Variants in PTPRG observed in about 807,000 individuals in gnomAD.
The protein encoded by PTPRG is receptor-type tyrosine-protein phosphatase gamma.
PTPRG carries 102 observed loss-of-function variants against 165.3 expected under a neutral mutation model. The observed-to-expected ratio is 0.62, with a 90% confidence interval of 0.53 to 0.73. The LOEUF (loss-of-function observed/expected upper bound fraction) is 0.73. Among genes scored for constraint, PTPRG ranks in the 30% least tolerant of loss-of-function variants. The probability of loss-of-function intolerance (pLI) is 0.00; values close to 1 mark genes in which losing one functional copy is unlikely to be tolerated. For missense variants in PTPRG, 1,866 were observed against 1,861.4 expected (o/e 1.00, Z -0.05); for synonymous variants, 675 against 669.5 (o/e 1.01, Z -0.13).
At chr3:61,812,116 A>G (rs764264234) in intron 2 of PTPRG, among the ~76,000 whole-genome samples, 1 of 152,198 alleles carries the variant, frequency 6.6e-6, no homozygotes, top group Non-Finnish European at 1.5e-5. Context: ...GTTTTGCAGG[A>G]TGAAGAGATG....
chr3:61,754,123 T>C (rs951686154), intron 2 of PTPRG, among the ~76,000 whole-genome samples: 1 of 152,166 alleles, frequency 6.6e-6, no homozygotes, highest in Non-Finnish European at 1.5e-5. Flanking sequence ...AGAATTGAAA[T>C]AGGCAGTGAC....
At chr3:61,869,953 T>C (rs1424859851) in intron 2 of PTPRG, among the ~76,000 whole-genome samples, 125 of 152,142 alleles carry the variant, frequency 8.2e-4, no homozygotes, top group Non-Finnish European at 1.6e-4. Context: ...GTGATTCGAC[T>C]CTCATCCTAT....
intron 5 of PTPRG, among the ~76,000 whole-genome samples, chr3:62,109,514 T>C (rs1702592153): frequency 6.6e-6 from 1 of 152,148 alleles, no homozygotes; most frequent in African/African-American, 2.4e-5. Flanking sequence ...CCCAGGATTG[T>C]CTTGGTTATG....
At position 62,269,258 on chromosome 3, in the gene PTPRG, C is replaced by CA. The variant is rs1225625760; in HGVS notation, c.3009+91dup. 4.5e-6 allele frequency: 6 copies of CA among 1,333,826 alleles called. No individual in the cohort carries two copies. In the African/African-American group the frequency reaches 7.3e-5, roughly 16 times the overall value. 82.6% of individuals were successfully genotyped at this position (1,333,826 alleles called of 1,614,324 possible). A position where few individuals can be genotyped will look rare whatever the true frequency, so the allele number is the denominator to read the frequency against. Reference sequence around the variant, plus strand: ...TACAACCAAGGCCAAATCTCATAACCAACTTGGTTTTTAAAAAGTATTTTT... The same window carrying CA: ...TACAACCAAGGCCAAATCTCATAACCAAACTTGGTTTTTAAAAAGTATTTTT... On this transcript the variant is annotated intron_variant, in intron 20 of 29. Coordinates refer to ENST00000474889, the MANE Select transcript of PTPRG (RefSeq NM_002841.4).
chr3:62,239,648 C>T (rs1467452257), intron 14 of PTPRG, among the ~76,000 whole-genome samples: 1 of 152,120 alleles, frequency 6.6e-6, no homozygotes, highest in South Asian at 2.1e-4. Flanking sequence ...GCGTGAGTCA[C>T]TGTGTCTGGG....
At chr3:61,733,004 T>C (rs1349630587) in intron 1 of PTPRG, among the ~76,000 whole-genome samples, 1 of 152,194 alleles carries the variant, frequency 6.6e-6, no homozygotes, top group Admixed American at 6.5e-5. Context: ...TCACTTTTAT[T>C]ATAGTATTTT....
At chr3:62,267,945 T>C in intron 19 of PTPRG, 126 bp downstream of exon 19, 5 of 1,051,948 alleles carry the variant, frequency 4.8e-6, no homozygotes, top group Non-Finnish European at 6.8e-6. Flanking sequence ...GTGTTCTCTC[T>C]GCTTTATCTT....
chr3:62,173,774 G>GAC (rs1705311594), intron 8 of PTPRG, among the ~76,000 whole-genome samples: 1 of 152,158 alleles, frequency 6.6e-6, no homozygotes, highest in African/African-American at 2.4e-5. Flanking sequence ...TCGTGAACTT[G>GAC]AGGCAGCCAG....
At chr3:61,899,948 A>C (rs1444090145) in intron 2 of PTPRG, among the ~76,000 whole-genome samples, 1 of 152,188 alleles carries the variant, frequency 6.6e-6, no homozygotes, top group Admixed American at 6.5e-5. Flanking sequence ...AATAACTCTG[A>C]CCTACTTTAC....
At chr3:62,046,142 A>C (rs1445664224) in intron 4 of PTPRG, among the ~76,000 whole-genome samples, 1 of 152,136 alleles carries the variant, frequency 6.6e-6, no homozygotes, top group Non-Finnish European at 1.5e-5. Flanking sequence ...CCCTCTCCCC[A>C]CTATACATCT....
In PTPRG at chr3:62,267,713, C is replaced by G. The variant is rs1451915749; in HGVS notation, c.2768C>G (p.Ala923Gly). ...TACAACAAAGCAAAAGCCTACATTG[C>G]CACCCAAGGACCTTTGAAGTCTACA... is the stretch of plus-strand genomic sequence containing the variant. Reference protein sequence around the residue: ...DGYNKAKAYIATQGPLKSTFE... With the variant: ...DGYNKAKAYIGTQGPLKSTFE... The change falls in exon 19 of 30, where the codon GCC becomes GGC. Residue 923 changes from alanine to glycine, a missense_variant. Physicochemically the swap from Ala to Gly is moderately conservative, Grantham distance 60. Coordinates refer to ENST00000474889, the MANE Select transcript of PTPRG (RefSeq NM_002841.4). 1.2e-6 allele frequency: 2 copies of G among 1,613,176 alleles called. No individual in the cohort carries two copies.
chr3:61,913,455 G>C (rs951632305), intron 2 of PTPRG, among the ~76,000 whole-genome samples: 2 of 152,122 alleles, frequency 1.3e-5, no homozygotes, highest in Non-Finnish European at 2.9e-5. Context: ...TCCTGACCTC[G>C]TGATCCGCCT....
chr3:61,601,455 T>G (rs1157098742), intron 1 of PTPRG, among the ~76,000 whole-genome samples: 1 of 152,188 alleles, frequency 6.6e-6, no homozygotes, highest in African/African-American at 2.4e-5. Flanking sequence ...AGAGGAAAAT[T>G]GCAACATTAT....
intron 1 of PTPRG, among the ~76,000 whole-genome samples, chr3:61,595,135 G>GC (rs1178317828): frequency 6.6e-6 from 1 of 151,810 alleles, no homozygotes; most frequent in Non-Finnish European, 1.5e-5. Context: ...TATAATGAGA[G>GC]CAGCAATAAT....
intron 2 of PTPRG, among the ~76,000 whole-genome samples, chr3:61,875,904 C>T (rs531596312): frequency 1.1e-4 from 16 of 152,234 alleles, no homozygotes; most frequent in African/African-American, 3.6e-4. Flanking sequence ...CCCAACTGGG[C>T]CTCACTGGTT....
chr3:62,013,290 A>G (rs191984217), intron 4 of PTPRG, among the ~76,000 whole-genome samples: 7 of 152,336 alleles, frequency 4.6e-5, no homozygotes, highest in Admixed American at 2.0e-4. Flanking sequence ...CCATACTAAA[A>G]CTTGCAAAAC....
chr3:62,058,834 C>T (rs1320256562), intron 4 of PTPRG, among the ~76,000 whole-genome samples: 3 of 152,188 alleles, frequency 2.0e-5, no homozygotes, highest in African/African-American at 7.2e-5. Flanking sequence ...TGATCTGAAC[C>T]CACTGAAGTT....
chr3:61,686,642 C>T (rs965044047), intron 1 of PTPRG, among the ~76,000 whole-genome samples: 2 of 152,160 alleles, frequency 1.3e-5, no homozygotes, highest in Non-Finnish European at 2.9e-5. Context: ...TGGAAATAAC[C>T]TGACAGCCCA....
intron 9 of PTPRG, among the ~76,000 whole-genome samples, chr3:62,194,694 T>A (rs921517352): frequency 1.3e-5 from 2 of 151,846 alleles, no homozygotes. Flanking sequence ...TCCCAGCTAC[T>A]CGGGAGGCTG....
Sources: allele counts gnomAD v4.1 joint callset (sites outside exome capture counted in the v4.1 genomes callset), GRCh38; gene constraint gnomAD v4.1.1; transcripts MANE v1.5; gene names NCBI Gene and HGNC (gene_info 2026-07-23, HGNC 2026-07-21).